UGT2B4: variants seen among roughly 807,000 people sequenced by gnomAD.
UGT2B4 encodes the protein UDP glucuronosyltransferase family 2 member B4, also known as UDP-glucuronosyltransferase 2B4.
Under a neutral mutation model 49.8 loss-of-function variants are expected in UGT2B4, and 49 were observed. The observed-to-expected ratio is 0.98, with a 90% CI of 0.78 to 1.25. UGT2B4 has a LOEUF of 1.25. Among genes scored for constraint, UGT2B4 ranks in the 50% most tolerant of loss-of-function variants. The probability of loss-of-function intolerance (pLI) is 0.00; values close to 1 mark genes in which losing one functional copy is unlikely to be tolerated. For synonymous variants in UGT2B4, 246 were observed against 217.7 expected (o/e 1.13, Z -1.14); for missense variants, 729 against 627.7 (o/e 1.16, Z -1.73).
At chr4:69,499,201 G>T (rs180980344), upstream of UGT2B4, among the ~76,000 whole-genome samples, 6 of 152,208 alleles carry the variant, frequency 3.9e-5, no homozygotes, top group Non-Finnish European at 8.8e-5. Context: ...CTTAGGTTCC[G>T]ATTTGATTGT....
chr4:69,500,515 GGAAAGAAA>G (rs375185779), upstream of UGT2B4, among the ~76,000 whole-genome samples: 4 of 95,368 alleles, frequency 4.2e-5, no homozygotes, highest in African/African-American at 1.4e-4. Flanking sequence ...AAGGAAGGAA[GGAAAGAAA>G]GAAAGAAAGA....
At chr4:69,493,091 C>T (rs1310703659) in intron 2 of UGT2B4, among the ~76,000 whole-genome samples, 2 of 151,998 alleles carry the variant, frequency 1.3e-5, no homozygotes, top group Non-Finnish European at 1.5e-5. Flanking sequence ...TCCTTGCAAA[C>T]TAAACTTTGA....
intron 5 of UGT2B4, among the ~76,000 whole-genome samples, chr4:69,482,631 G>C (rs1430292183): frequency 6.6e-6 from 1 of 151,348 alleles, no homozygotes; most frequent in Non-Finnish European, 1.5e-5. Context: ...TTTTGAGATG[G>C]AGTCTCACTC....
At chr4:69,513,904 T>G (rs1040332842) in intron 1 of UGT2B4, among the ~76,000 whole-genome samples, 1 of 152,228 alleles carries the variant, frequency 6.6e-6, no homozygotes, top group Non-Finnish European at 1.5e-5. Context: ...AGAATGCCAG[T>G]GATTTTTGCA....
intron 1 of UGT2B4, among the ~76,000 whole-genome samples, chr4:69,509,722 TG>T (rs1326386491): frequency 6.6e-6 from 1 of 152,216 alleles, no homozygotes; most frequent in Admixed American, 6.5e-5. Context: ...TTTTTGTTAT[TG>T]TCACAGTTAT....
rs375202184 is a variant in UGT2B4, at chr4:69,485,434, T to C, written c.1091-7A>G. On this transcript the variant is annotated splice_region_variant and splice_polypyrimidine_tract_variant and intron_variant, in intron 4 of 5. Transcript: ENST00000305107. ...GCTCTGGTTTTTGGGTGACCTAGGATTGGATGAATTTTAGCAAAATTATTC... is the reference window on the plus strand; with the variant it reads ...GCTCTGGTTTTTGGGTGACCTAGGACTGGATGAATTTTAGCAAAATTATTC... 10 of 1,613,496 alleles carry C rather than the reference T, an allele frequency of 6.2e-6. No homozygotes were observed. Among genetic ancestry groups the C allele is most frequent in the Non-Finnish European group, 8.5e-6 (10 of 1,179,682 alleles).
chr4:69,490,985 C>T (rs1209605098), intron 2 of UGT2B4, among the ~76,000 whole-genome samples: 1 of 152,082 alleles, frequency 6.6e-6, no homozygotes, highest in African/African-American at 2.4e-5. Flanking sequence ...AATAATAATA[C>T]ACTATGTATG....
At chr4:69,481,589 C>T (rs1449970543) in intron 5 of UGT2B4, among the ~76,000 whole-genome samples, 1 of 152,104 alleles carries the variant, frequency 6.6e-6, no homozygotes, top group African/African-American at 2.4e-5. Context: ...TGTTTTGATA[C>T]AGGCTGCAGT....
chr4:69,494,495 C>CA lies in UGT2B4; in HGVS notation c.721+645dup, dbSNP rs955553066. Among the ~76,000 whole-genome samples, 120 of 150,626 alleles carry CA rather than the reference C, an allele frequency of 8.0e-4. 2 individuals carry two copies. Among genetic ancestry groups the CA allele is most frequent in the African/African-American group, 2.7e-4 (11 of 41,080 alleles). ...ATTTTTAAAGAAAGATACATAGTTTCAAAAAAAAACTATACAGTTGTAACT... is the reference window on the plus strand; with the variant it reads ...ATTTTTAAAGAAAGATACATAGTTTCAAAAAAAAAACTATACAGTTGTAACT... On this transcript the variant is annotated intron_variant, in intron 1 of 5. Coordinates refer to ENST00000305107, the MANE Select transcript of UGT2B4 (RefSeq NM_021139.3).
At position 69,502,199 on chromosome 4, in the gene UGT2B4, T is replaced by G. The variant is rs1228897166; in HGVS notation, c.-105-6233A>C. ...TCTTCATTCAGTTGTTATTTATTAA[T>G]AATTTATTTTTGTTGTTGTTCATTG... is the stretch of plus-strand genomic sequence containing the variant. On this transcript the variant is annotated intron_variant, in intron 1 of 1. Coordinates refer to the UGT2B4 transcript ENST00000510114. Among the ~76,000 whole-genome samples the G allele has an allele frequency of 2.2e-4, 4 of 17,830 alleles. No homozygotes were observed. In the Admixed American group the frequency reaches 4.8e-3, roughly 22 times the overall value. The allele number at this position is 17,830 out of a possible 152,430, so 11.7% of individuals were successfully genotyped here. A position where few individuals can be genotyped will look rare whatever the true frequency, so the allele number is the denominator to read the frequency against.
chr4:69,504,133 A>G (rs570215563), intron 1 of UGT2B4, among the ~76,000 whole-genome samples: 1 of 152,324 alleles, frequency 6.6e-6, no homozygotes, highest in South Asian at 2.1e-4. Flanking sequence ...AATTATTGCA[A>G]GAATGCTGAA....
At chr4:69,514,152 CA>C (rs1042304576) in intron 1 of UGT2B4, among the ~76,000 whole-genome samples, 1 of 152,016 alleles carries the variant, frequency 6.6e-6, no homozygotes, top group African/African-American at 2.4e-5. Flanking sequence ...AGGTTTGTTA[CA>C]TATGTATACA....
chr4:69,502,149 CTCTT>C (rs767257228), intron 1 of UGT2B4, among the ~76,000 whole-genome samples: 2,023 of 64,070 alleles, frequency 0.032, 33 homozygotes, highest in Middle Eastern at 0.077. Context: ...TTCTTTCTTT[CTCTT>C]TCTTTCTTTC....
intron 3 of UGT2B4, among the ~76,000 whole-genome samples, chr4:69,487,751 A>G (rs1251865640): frequency 2.6e-5 from 4 of 152,136 alleles, no homozygotes; most frequent in Admixed American, 2.6e-4. Flanking sequence ...AAAGTTAAAA[A>G]ATAAAACTTA....
intron 5 of UGT2B4, among the ~76,000 whole-genome samples, chr4:69,484,774 A>G (rs1170881683): frequency 5.3e-5 from 8 of 152,296 alleles, no homozygotes. Flanking sequence ...GTTTTATGCT[A>G]TGGAAATTAA....
chr4:69,520,357 C>T (rs1210881405), intron 1 of UGT2B4, among the ~76,000 whole-genome samples: 1 of 152,250 alleles, frequency 6.6e-6, no homozygotes, highest in Non-Finnish European at 1.5e-5. Flanking sequence ...GCTGAGGCTG[C>T]ATGCTCCACG....
rs41298245 is a variant in UGT2B4 at position 69,480,690 on chromosome 4, A to G, written c.1531T>C (p.Cys511Arg). The G allele has an allele frequency of 7.3e-5, 118 of 1,614,040 alleles. No homozygotes were observed. In the East Asian group the frequency reaches 2.5e-3, roughly 35 times the overall value. Reference protein sequence around the residue: ...VATVIFIITKCLFCVWKFVRT... With the variant: ...VATVIFIITKRLFCVWKFVRT... The stretch of plus-strand genomic sequence containing the variant: ...ACAAACTTCCAGACACAAAACAGAC[A>G]TTTTGTGATGATGAATATCACAGTT... Residue 511 changes from cysteine to arginine, a missense_variant, in exon 6 of 6, where the codon TGT becomes CGT. Coordinates refer to ENST00000305107, the MANE Select transcript of UGT2B4 (RefSeq NM_021139.3).
intron 2 of UGT2B4, among the ~76,000 whole-genome samples, chr4:69,489,779 G>T (rs943336324): frequency 2.6e-5 from 4 of 151,898 alleles, no homozygotes; most frequent in Non-Finnish European, 1.5e-5. Flanking sequence ...GTGTAAATAT[G>T]TGTGTGTGTA....
chr4:69,495,547 A>C lies in UGT2B4; in HGVS notation c.315T>G (p.Phe105Leu). ...KRWAELPKDT[F>L]WSYFSQVQEI... is the part of the protein sequence containing the mutation. ...CTTGTACTTGTGAAAAATATGACCA[A>C]AATGTGTCTTTTGGAAGTTCTGCCC... Residue 105 changes from phenylalanine (F) to leucine (L), a missense_variant, in exon 1 of 6, where the codon TTT (phenylalanine) becomes TTG (leucine). Transcript: ENST00000305107. 1 of 1,613,574 alleles carries C rather than the reference A, an allele frequency of 6.2e-7. No individual in the cohort carries two copies. Among genetic ancestry groups the C allele is most frequent in the Non-Finnish European group, 8.5e-7 (1 of 1,179,746 alleles).
Sources: allele counts gnomAD v4.1 joint callset (sites outside exome capture counted in the v4.1 genomes callset), GRCh38; gene constraint gnomAD v4.1.1; transcripts MANE v1.5; gene names NCBI Gene and HGNC (gene_info 2026-07-23, HGNC 2026-07-21).